CDH13: variants seen among roughly 807,000 people sequenced by gnomAD.
The protein encoded by CDH13 is cadherin-13.
Under a neutral mutation model 63.8 loss-of-function variants are expected in CDH13, and 24 were observed. The ratio of observed to expected loss-of-function variants is 0.38; its 90% CI spans 0.27 to 0.53. The LOEUF is 0.53. Among genes scored for constraint, CDH13 ranks in the 20% least tolerant of loss-of-function variants. CDH13 has a pLI of 0.85. For synonymous variants in CDH13, 503 were observed against 355.3 expected (o/e 1.42, Z -4.67); for missense variants, 1,049 against 903.1 (o/e 1.16, Z -2.07).
At chr16:82,996,663 G>A (rs570012212) in intron 2 of CDH13, among the ~76,000 whole-genome samples, 1 of 152,280 alleles carries the variant, frequency 6.6e-6, no homozygotes, top group South Asian at 2.1e-4. Flanking sequence ...CTGCAACTTG[G>A]AAATATTAGG....
intron 1 of CDH13, among the ~76,000 whole-genome samples, chr16:82,760,339 G>A (rs1165846725): frequency 6.6e-6 from 1 of 152,176 alleles, no homozygotes; most frequent in Admixed American, 6.5e-5. Context: ...GGTCGGAAGA[G>A]GCATTGGGCT....
chr16:83,688,645 T>C (rs1904545598), intron 10 of CDH13, among the ~76,000 whole-genome samples: 1 of 152,200 alleles, frequency 6.6e-6, no homozygotes, highest in South Asian at 2.1e-4. Flanking sequence ...GATTTTTTTC[T>C]TTTTTAAGTC....
At chr16:82,905,810 G>C (rs1172759542) in intron 2 of CDH13, among the ~76,000 whole-genome samples, 1 of 152,032 alleles carries the variant, frequency 6.6e-6, no homozygotes, top group African/African-American at 2.4e-5. Flanking sequence ...TTTTGCACTT[G>C]TGGCATGTCT....
Position 82,875,703 on chromosome 16 carries a change from T to C in CDH13, c.157+17230T>C, listed in dbSNP as rs560653375. ...TCAAAGATTTTATCTATCTCAACAATGCAAAAGGGGACCAATAAAATGATA... is the reference window on the plus strand; with the variant it reads ...TCAAAGATTTTATCTATCTCAACAACGCAAAAGGGGACCAATAAAATGATA... On this transcript the variant is annotated intron_variant, in intron 2 of 13. Transcript: ENST00000567109. Among the ~76,000 whole-genome samples the C allele has an allele frequency of 3.2e-4, 49 of 152,262 alleles. No homozygotes were observed. In the East Asian group the frequency reaches 9.1e-3, roughly 28 times the overall value.
chr16:82,962,330 C>A (rs1907143990), intron 2 of CDH13, among the ~76,000 whole-genome samples: 1 of 152,166 alleles, frequency 6.6e-6, no homozygotes, highest in East Asian at 1.9e-4. Flanking sequence ...AAGGAAGGAT[C>A]CTTTTTTAGA....
At chr16:83,793,839 A>C (rs1293503878) in intron 13 of CDH13, among the ~76,000 whole-genome samples, 1 of 151,600 alleles carries the variant, frequency 6.6e-6, no homozygotes, top group Non-Finnish European at 1.5e-5. Flanking sequence ...AATTTCTCAG[A>C]TGTGACTCAG....
intron 1 of CDH13, among the ~76,000 whole-genome samples, chr16:82,738,361 A>C (rs1463836826): frequency 6.6e-6 from 1 of 152,232 alleles, no homozygotes; most frequent in Non-Finnish European, 1.5e-5. Flanking sequence ...AAACTCTAGG[A>C]ATGTGAAAAT....
chr16:83,271,694 T>A (rs528371179), intron 5 of CDH13, among the ~76,000 whole-genome samples: 4 of 152,058 alleles, frequency 2.6e-5, no homozygotes, highest in Non-Finnish European at 5.9e-5. Context: ...CCAGCATTAT[T>A]TATAGAAACC....
intron 6 of CDH13, among the ~76,000 whole-genome samples, chr16:83,443,304 G>A (rs181380434): frequency 1.9e-3 from 286 of 152,274 alleles, no homozygotes; most frequent in African/African-American, 5.0e-3. Flanking sequence ...AGGCCCTTCC[G>A]CAACAGGTGT....
chr16:82,647,713 G>C (rs1910261113), intron 1 of CDH13, among the ~76,000 whole-genome samples: 1 of 152,214 alleles, frequency 6.6e-6, no homozygotes, highest in African/African-American at 2.4e-5. Context: ...AGTCAGTGAA[G>C]AGGTGTAGAT....
chr16:83,502,740 A>G (rs757444518), intron 7 of CDH13, among the ~76,000 whole-genome samples: 9 of 152,366 alleles, frequency 5.9e-5, no homozygotes, highest in Non-Finnish European at 1.0e-4. Flanking sequence ...GGCCGTTAGC[A>G]TTGGCCATGA....
chr16:82,922,113 C>G (rs960840965), intron 2 of CDH13, among the ~76,000 whole-genome samples: 1 of 151,722 alleles, frequency 6.6e-6, no homozygotes, highest in African/African-American at 2.4e-5. Flanking sequence ...GGTGGTATGC[C>G]CTTTGTTATT....
rs1567580912 is a variant in CDH13 at position 82,832,671 on chromosome 16, AT to A, written c.46-25690del. 8.9e-4 allele frequency among the ~76,000 whole-genome samples: 136 copies of A among 152,322 alleles called. 1 individual carries two copies. Among genetic ancestry groups the A allele is most frequent in the African/African-American group, 3.1e-3 (130 of 41,568 alleles). On this transcript the variant is annotated intron_variant, in intron 1 of 13. Transcript: ENST00000567109. ...ACCCCAAAATGAAACAAAACAAAAT[AT>A]AGCAACGATATGAAATTGTTTCAGT...
At chr16:83,440,068 A>G (rs2072437949) in intron 6 of CDH13, among the ~76,000 whole-genome samples, 1 of 152,174 alleles carries the variant, frequency 6.6e-6, no homozygotes, top group Admixed American at 6.5e-5. Context: ...TTTAAATGAC[A>G]TCTGAAAAGT....
At chr16:83,112,632 G>C (rs936115657) in intron 3 of CDH13, among the ~76,000 whole-genome samples, 1 of 152,124 alleles carries the variant, frequency 6.6e-6, no homozygotes, top group African/African-American at 2.4e-5. Context: ...GTAAATACCT[G>C]AGTGTATTAT....
At chr16:83,011,090 C>T (rs975611935) in intron 2 of CDH13, among the ~76,000 whole-genome samples, 1 of 152,128 alleles carries the variant, frequency 6.6e-6, no homozygotes, top group South Asian at 2.1e-4. Flanking sequence ...GCTCATGGAA[C>T]ACAGCACAAT....
intron 2 of CDH13, among the ~76,000 whole-genome samples, chr16:82,865,367 C>T (rs978968059): frequency 6.6e-6 from 1 of 152,234 alleles, no homozygotes; most frequent in Non-Finnish European, 1.5e-5. Context: ...GCCTCTGCAA[C>T]AAACTTTTGC....
intron 2 of CDH13, among the ~76,000 whole-genome samples, chr16:82,882,096 C>CT (rs1256156619): frequency 5.3e-5 from 8 of 151,910 alleles, no homozygotes; most frequent in Non-Finnish European, 1.0e-4. Flanking sequence ...CACATCAGAG[C>CT]TTTTTTAAAA....
intron 8 of CDH13, among the ~76,000 whole-genome samples, chr16:83,611,387 A>G (rs1908849006): frequency 1.3e-5 from 2 of 151,326 alleles, no homozygotes; most frequent in African/African-American, 2.4e-5. Context: ...CAATTTGCCA[A>G]TTTGTGTTTT....
Sources: gnomAD v4.1 joint callset for allele counts (sites outside exome capture counted in the v4.1 genomes callset) on GRCh38, gnomAD v4.1.1 for gene constraint, MANE v1.5 for transcripts, NCBI Gene and HGNC (gene_info 2026-07-23, HGNC 2026-07-21) for gene names.